Variants in SSH2 observed in about 807,000 individuals in gnomAD.
SSH2 encodes the protein protein phosphatase Slingshot homolog 2.
In SSH2, 37 loss-of-function variants were observed where a neutral mutation model predicts 135.2. The observed-to-expected ratio is 0.27, with a 90% confidence interval of 0.21 to 0.36. The LOEUF (loss-of-function observed/expected upper bound fraction) is 0.36. Among genes scored for constraint, SSH2 ranks in the 10% least tolerant of loss-of-function variants. SSH2 has a pLI of 1.00. For missense variants in SSH2, 1,408 were observed against 1,765.3 expected (o/e 0.80, Z 3.63); for synonymous variants, 628 against 646.2 (o/e 0.97, Z 0.43).
intron 3 of SSH2, among the ~76,000 whole-genome samples, chr17:29,779,810 C>CAAAA (rs56789691): frequency 0.093 from 1,824 of 19,612 alleles, 520 homozygotes; most frequent in African/African-American, 0.16. Flanking sequence ...GACTCTGTCT[C>CAAAA]AAAAAAAAAA....
At chr17:29,880,207 G>A (rs1425588319) in intron 1 of SSH2, among the ~76,000 whole-genome samples, 1 of 152,172 alleles carries the variant, frequency 6.6e-6, no homozygotes, top group Admixed American at 6.5e-5. Flanking sequence ...CTGCAGGCTC[G>A]AGCCCCACCG....
chr17:29,642,663 C>T (rs1346493383), intron 14 of SSH2, among the ~76,000 whole-genome samples: 1 of 150,586 alleles, frequency 6.6e-6, no homozygotes, highest in African/African-American at 2.4e-5. Flanking sequence ...CTTTATGATA[C>T]CCTTCTTTTT....
At chr17:29,733,033 A>C (rs913157405) in intron 3 of SSH2, among the ~76,000 whole-genome samples, 3 of 152,208 alleles carry the variant, frequency 2.0e-5, no homozygotes, top group Admixed American at 2.0e-4. Context: ...TGGAAAAAAA[A>C]CAGGTTTTCA....
intron 3 of SSH2, among the ~76,000 whole-genome samples, chr17:29,762,004 C>T (rs1375269123): frequency 6.6e-6 from 1 of 151,936 alleles, no homozygotes; most frequent in Admixed American, 6.6e-5. Context: ...CCTCAGCCTC[C>T]CGAGTAGCTG....
intron 10 of SSH2, 64 bp from the exon 11 acceptor site, chr17:29,667,059 T>G: frequency 6.2e-7 from 1 of 1,609,736 alleles, no homozygotes; most frequent in Non-Finnish European, 8.5e-7. Context: ...AACCATGCAC[T>G]ATTTCCAGCC....
chr17:29,811,571 G>GTTTT (rs11411731), intron 2 of SSH2, among the ~76,000 whole-genome samples: 1 of 149,298 alleles, frequency 6.7e-6, no homozygotes, highest in Non-Finnish European at 1.5e-5. Context: ...TGAACCACAA[G>GTTTT]TTTTTTTTTT....
intron 2 of SSH2, among the ~76,000 whole-genome samples, chr17:29,811,704 G>T (rs1476019365): frequency 6.6e-6 from 1 of 152,060 alleles, no homozygotes; most frequent in African/African-American, 2.4e-5. Context: ...AACTAGCTGG[G>T]ACTACAGGTG....
intron 1 of SSH2, among the ~76,000 whole-genome samples, chr17:29,849,802 C>A (rs1445866333): frequency 1.4e-5 from 2 of 143,872 alleles, no homozygotes; most frequent in African/African-American, 5.1e-5. Context: ...GAGTTTGAGA[C>A]CAGCCTGGCC....
chr17:29,772,717 C>G (rs2151274897), intron 3 of SSH2, among the ~76,000 whole-genome samples: 2 of 152,138 alleles, frequency 1.3e-5, no homozygotes, highest in South Asian at 4.2e-4. Flanking sequence ...AAAAAGCTTT[C>G]CTCTCTCCTC....
At chr17:29,668,338 T>C (rs974268182) in intron 9 of SSH2, among the ~76,000 whole-genome samples, 2 of 152,256 alleles carry the variant, frequency 1.3e-5, no homozygotes, top group Non-Finnish European at 1.5e-5. Flanking sequence ...AGCCAAGGTA[T>C]TCCTGTCTTA....
chr17:29,745,174 T>G (rs561735063), intron 3 of SSH2, among the ~76,000 whole-genome samples: 17 of 152,090 alleles, frequency 1.1e-4, no homozygotes, highest in African/African-American at 3.9e-4. Context: ...CTTTTTTTTT[T>G]TTTGAAACAG....
chr17:29,868,582 C>T (rs1196630751), intron 1 of SSH2, among the ~76,000 whole-genome samples: 2 of 151,928 alleles, frequency 1.3e-5, no homozygotes. Flanking sequence ...TACTAAAATA[C>T]AAAAAATTAG....
At chr17:29,646,170 TA>T in intron 14 of SSH2, among the ~76,000 whole-genome samples, 1 of 152,346 alleles carries the variant, frequency 6.6e-6, no homozygotes, top group South Asian at 2.1e-4. Context: ...TTAAATCACT[TA>T]ATATCTGATG....
intron 4 of SSH2, among the ~76,000 whole-genome samples, chr17:29,697,223 AC>A (rs1462930004): frequency 6.6e-6 from 1 of 152,204 alleles, no homozygotes; most frequent in East Asian, 1.9e-4. Flanking sequence ...AAATCTGTGA[AC>A]AAAAAAACCT....
chr17:29,886,877 C>T (rs1490852885), intron 1 of SSH2, among the ~76,000 whole-genome samples: 2 of 152,060 alleles, frequency 1.3e-5, no homozygotes, highest in African/African-American at 2.4e-5. Flanking sequence ...ATGTTAATCA[C>T]CAATTATAGC....
At chr17:29,727,221 A>G (rs991747048) in intron 3 of SSH2, among the ~76,000 whole-genome samples, 2 of 152,274 alleles carry the variant, frequency 1.3e-5, no homozygotes, top group African/African-American at 4.8e-5. Context: ...AACCAATAAT[A>G]GACAAAGAAA....
At chr17:29,918,814 G>A (rs576996742) in intron 1 of SSH2, among the ~76,000 whole-genome samples, 4 of 152,262 alleles carry the variant, frequency 2.6e-5, no homozygotes, top group Non-Finnish European at 4.4e-5. Flanking sequence ...GCCTGTGCCT[G>A]TAGTCCCAGC....
intron 2 of SSH2, among the ~76,000 whole-genome samples, chr17:29,811,283 A>G (rs1012167740): frequency 6.6e-6 from 1 of 152,112 alleles, no homozygotes; most frequent in Non-Finnish European, 1.5e-5. Flanking sequence ...AGTGTGAGCC[A>G]CTGTACCTGG....
Position 29,631,262 on chromosome 17 carries a change from G to C in SSH2, c.3932C>G (p.Pro1311Arg), listed in dbSNP as rs1221918210. 1 of 1,614,066 alleles carries C rather than the reference G, an allele frequency of 6.2e-7. No homozygotes were observed. The highest frequency in any genetic ancestry group is 8.5e-7 in the Non-Finnish European group (1 of 1,180,034). ...GAAAGGCTGAAGCAGTTTGAGATGA[G>C]GGGATTCACAGGAGGCAGGCTCCCT... ...PEREPASCES[P>R]HLKLLQPFLR... is the part of the protein sequence containing the mutation. The change falls in exon 16 of 16, where the codon CCT becomes CGT. Residue 1311 changes from proline (P) to arginine (R), a missense_variant. Pro to Arg is a moderately radical substitution (Grantham distance 103). Coordinates refer to ENST00000540801, the MANE Select transcript of SSH2 (RefSeq NM_001282129.2).
Sources: allele counts gnomAD v4.1 joint callset (sites outside exome capture counted in the v4.1 genomes callset), GRCh38; gene constraint gnomAD v4.1.1; transcripts MANE v1.5; gene names NCBI Gene and HGNC (gene_info 2026-07-23, HGNC 2026-07-21).